ADAMTS20: variants seen among roughly 807,000 people sequenced by gnomAD.
ADAMTS20 encodes the protein ADAM metallopeptidase with thrombospondin type 1 motif 20.
A neutral mutation model predicts 260.1 loss-of-function variants in ADAMTS20; 225 were observed. That is an observed-to-expected ratio of 0.87 (90% confidence interval 0.78 to 0.97). ADAMTS20 has a LOEUF of 0.97. ADAMTS20 is among the 50% of genes least tolerant of loss of function. ADAMTS20 has a pLI of 0.00. For synonymous variants in ADAMTS20, 802 were observed against 769.5 expected, an observed-to-expected ratio of 1.04 and a Z score of -0.70; for missense variants, 2,400 against 2,337.7, an observed-to-expected ratio of 1.03 and a Z score of -0.55.
chr12:43,497,311 A>T (rs1942691410), intron 4 of ADAMTS20, among the ~76,000 whole-genome samples: 1 of 152,178 alleles, frequency 6.6e-6, no homozygotes, highest in Non-Finnish European at 1.5e-5. Context: ...CATGAAACAA[A>T]TTGCTATCAC....
chr12:43,440,070 C>T lies in ADAMTS20; in HGVS notation c.2291-1G>A. 1 of 1,548,400 alleles carries T rather than the reference C, an allele frequency of 6.5e-7. No homozygotes were observed. The highest frequency in any genetic ancestry group is 1.2e-5 in the South Asian group (1 of 84,434). On this transcript the variant is annotated splice_acceptor_variant, in intron 16 of 38. Transcript: ENST00000389420. LOFTEE classifies it high-confidence loss of function. ...AAATTCCCTTCAGCGTCAGATAATG[C>T]TGTAAAAGAATAAAGCATAACTCAT...
chr12:43,406,414 A>T (rs575072292), intron 28 of ADAMTS20, among the ~76,000 whole-genome samples: 13 of 152,206 alleles, frequency 8.5e-5, no homozygotes, highest in African/African-American at 2.9e-4. Context: ...ATAATTCTTT[A>T]AATGATGTTT....
At chr12:43,449,322 A>G (rs1422377713) in intron 14 of ADAMTS20, among the ~76,000 whole-genome samples, 2 of 152,108 alleles carry the variant, frequency 1.3e-5, no homozygotes, top group Non-Finnish European at 2.9e-5. Context: ...GAATAAAATG[A>G]CGTCTTTTAC....
intron 16 of ADAMTS20, 37 bp from the exon 17 acceptor site, chr12:43,440,106 C>A: frequency 5.6e-6 from 7 of 1,248,892 alleles, no homozygotes; most frequent in Non-Finnish European, 7.7e-6. Flanking sequence ...GAAATAGTAA[C>A]ACCAATCAAC....
intron 29 of ADAMTS20, among the ~76,000 whole-genome samples, chr12:43,391,680 G>A (rs1940599804): frequency 6.6e-6 from 1 of 152,008 alleles, no homozygotes; most frequent in Admixed American, 6.6e-5. Flanking sequence ...ATATTATAAG[G>A]GGGAAAAATC....
chr12:43,377,084 C>A (rs1322137988), intron 32 of ADAMTS20, among the ~76,000 whole-genome samples: 1 of 152,094 alleles, frequency 6.6e-6, no homozygotes, highest in Non-Finnish European at 1.5e-5. Flanking sequence ...TTCACTTAAC[C>A]AATAAATATT....
At chr12:43,470,231 T>C (rs11182092) in intron 7 of ADAMTS20, among the ~76,000 whole-genome samples, 11,965 of 152,244 alleles carry the variant, frequency 0.079, 964 homozygotes, top group East Asian at 0.46. Flanking sequence ...ATGGACATCC[T>C]ACAGTAGGAT....
At chr12:43,384,089 A>C in intron 29 of ADAMTS20, 112 bp from the exon 30 acceptor site, 2 of 972,234 alleles carry the variant, frequency 2.1e-6, no homozygotes, top group South Asian at 4.7e-5. Flanking sequence ...CTGGTATTAA[A>C]ACATGAATTA....
At chr12:43,536,471 A>G (rs978073737) in intron 2 of ADAMTS20, among the ~76,000 whole-genome samples, 2 of 151,634 alleles carry the variant, frequency 1.3e-5, no homozygotes, top group Non-Finnish European at 2.9e-5. Context: ...GGCAACCAAT[A>G]AATAAAAATA....
In ADAMTS20 at chr12:43,551,159, G is replaced by T; in HGVS notation, c.203C>A (p.Ser68Tyr). 6.2e-7 allele frequency: 1 copy of T among 1,613,940 alleles called. No individual in the cohort carries two copies. Among genetic ancestry groups the T allele is most frequent in the Non-Finnish European group, 8.5e-7 (1 of 1,179,880 alleles). The change falls in exon 2 of 39, where the codon TCC (serine) becomes TAC (tyrosine). Residue 68 changes from serine to tyrosine, a missense_variant. Transcript: ENST00000389420. The surrounding 1 kb of genome is among the most constrained non-coding windows in gnomAD (Gnocchi z 4.6). The stretch of plus-strand genomic sequence containing the variant: ...GAACGGCATGGGTTCCAGCGCCTCG[G>T]AGCTGCGTTTCTGCCGGCTGAAGTG... ...SHHFSRQKRS[S>Y]EALEPMPFRT...
intron 19 of ADAMTS20, among the ~76,000 whole-genome samples, chr12:43,433,444 A>T (rs1418518460): frequency 1.3e-5 from 2 of 152,120 alleles, no homozygotes; most frequent in Non-Finnish European, 2.9e-5. Flanking sequence ...CATCTCAAGA[A>T]TTTCACTGTG....
chr12:43,520,750 GC>G (rs1467328224), intron 3 of ADAMTS20, among the ~76,000 whole-genome samples: 2 of 152,254 alleles, frequency 1.3e-5, no homozygotes, highest in East Asian at 3.9e-4. Context: ...ACAATAATGG[GC>G]ATGGTCGTGG....
chr12:43,518,096 C>G (rs143858727), intron 3 of ADAMTS20, among the ~76,000 whole-genome samples: 4 of 151,828 alleles, frequency 2.6e-5, no homozygotes, highest in Non-Finnish European at 4.4e-5. Flanking sequence ...TGCTATATCC[C>G]AAAGTTCAAT....
intron 29 of ADAMTS20, among the ~76,000 whole-genome samples, chr12:43,394,663 T>A (rs1314053475): frequency 6.6e-6 from 1 of 152,126 alleles, no homozygotes; most frequent in African/African-American, 2.4e-5. Flanking sequence ...AATTGTGAAC[T>A]TCATGTGTCC....
At chr12:43,381,574 G>A (rs66573143) in intron 31 of ADAMTS20, among the ~76,000 whole-genome samples, 14,213 of 143,360 alleles carry the variant, frequency 0.099, 829 homozygotes, top group Middle Eastern at 0.21. Flanking sequence ...TTGAGCCCAG[G>A]AGTAAGAAAC....
At chr12:43,427,611 T>C (rs1250165746) in intron 26 of ADAMTS20, 142 bp from the exon 27 acceptor site, 1 of 803,698 alleles carries the variant, frequency 1.2e-6, no homozygotes. Flanking sequence ...ACAATTTGAA[T>C]TGAGAAAATC....
Position 43,446,544 on chromosome 12 carries a change from C to G in ADAMTS20, c.2197+51G>C, listed in dbSNP as rs1000041689. On this transcript the variant is annotated intron_variant, in intron 15 of 38. Transcript: ENST00000389420. ...TACTGTTACACCTTCTTTACAGACT[C>G]CATTATTATACTAAATAAAAGCGAA... 52 of 1,345,750 alleles carry G rather than the reference C, an allele frequency of 3.9e-5. No individual in the cohort carries two copies. In the South Asian group the frequency reaches 6.2e-4, roughly 16 times the overall value. The allele number at this position is 1,345,750 out of a possible 1,614,324, so 83.4% of individuals were successfully genotyped here.
intron 4 of ADAMTS20, among the ~76,000 whole-genome samples, chr12:43,498,869 C>T (rs1942714047): frequency 6.6e-6 from 1 of 152,106 alleles, no homozygotes; most frequent in South Asian, 2.1e-4. Flanking sequence ...GTTTGTCACC[C>T]TTTCTCTTAA....
intron 7 of ADAMTS20, among the ~76,000 whole-genome samples, chr12:43,474,530 C>A (rs1335495872): frequency 8.5e-6 from 1 of 117,806 alleles, no homozygotes; most frequent in Non-Finnish European, 1.7e-5. Flanking sequence ...GGCAGAGACA[C>A]AACCAAAAAA....
Sources: gnomAD v4.1 joint callset for allele counts (sites outside exome capture counted in the v4.1 genomes callset) on GRCh38, gnomAD v4.1.1 for gene constraint, Gnocchi (gnomAD v3.1) non-coding constraint, MANE v1.5 for transcripts, NCBI Gene and HGNC (gene_info 2026-07-23, HGNC 2026-07-21) for gene names.